Variants in GIP observed in about 807,000 individuals in gnomAD.
GIP encodes the protein gastric inhibitory polypeptide.
A neutral mutation model predicts 18.1 loss-of-function variants in GIP; 16 were observed. The ratio of observed to expected loss-of-function variants is 0.88; its 90% CI spans 0.60 to 1.34. The LOEUF is 1.34. Ranked by LOEUF, GIP falls within the 40% of genes most tolerant of loss-of-function variation. The probability of loss-of-function intolerance (pLI) is 0.00; values close to 1 mark genes in which losing one functional copy is unlikely to be tolerated. For synonymous variants in GIP, 76 were observed against 74.0 expected (o/e 1.03, Z -0.14); for missense variants, 192 against 183.4 (o/e 1.05, Z -0.27).
At position 48,964,559 on chromosome 17, in the gene GIP, A is replaced by T. The variant is rs542170936; in HGVS notation, c.87-79T>A. The T allele has an allele frequency of 1.1e-3, 1,441 of 1,268,374 alleles. 1 individual carries two copies. Among genetic ancestry groups the T allele is most frequent in the Non-Finnish European group, 1.5e-3 (1,339 of 890,192 alleles). The allele number at this position is 1,268,374 out of a possible 1,614,324, so 78.6% of individuals were successfully genotyped here. On this transcript the variant is annotated intron_variant, in intron 2 of 5. Transcript: ENST00000357424. Reference sequence around the variant, plus strand: ...AGGGTAAATGACTGTCACTAACAGGAGGCAGACACTTGAAAACAAACCAGT... The same window carrying T: ...AGGGTAAATGACTGTCACTAACAGGTGGCAGACACTTGAAAACAAACCAGT...
chr17:48,967,932 A>C lies in GIP; in HGVS notation c.-22+585T>G, dbSNP rs147272749. Among the ~76,000 whole-genome samples the C allele has an allele frequency of 9.9e-5, 15 of 151,924 alleles. No homozygotes were observed. The East Asian group carries it at 3.0e-3, about 30-fold the overall frequency. On this transcript the variant is annotated intron_variant, in intron 1 of 5. Transcript: ENST00000357424. ...CCAGGTGTGGTGGTGCGCGCCTGTG[A>C]TCCCAGCTATTCAGGAGGCTGAGGC...
At chr17:48,966,798 C>T (rs1316227751) in intron 2 of GIP, among the ~76,000 whole-genome samples, 3 of 151,650 alleles carry the variant, frequency 2.0e-5, no homozygotes, top group African/African-American at 7.3e-5. Flanking sequence ...AGGGCAAGAT[C>T]CTGTCTCAAA....
chr17:48,965,304 TAAAA>T (rs35687818), intron 2 of GIP, among the ~76,000 whole-genome samples: 28 of 111,126 alleles, frequency 2.5e-4, no homozygotes, highest in Admixed American at 3.6e-4. Flanking sequence ...TTCGTCTCAA[TAAAA>T]AAAAAAAAAA....
At chr17:48,962,133 C>A (rs903089447) in intron 3 of GIP, among the ~76,000 whole-genome samples, 1 of 152,048 alleles carries the variant, frequency 6.6e-6, no homozygotes, top group Non-Finnish European at 1.5e-5. Context: ...GCAGGGGCAC[C>A]ATCTCAGCTC....
intron 5 of GIP, among the ~76,000 whole-genome samples, chr17:48,959,267 C>T (rs2041186350): frequency 1.3e-5 from 2 of 152,162 alleles, no homozygotes; most frequent in South Asian, 4.1e-4. Context: ...TGGCCTCAAG[C>T]AATGCTCCCA....
At chr17:48,960,557 C>A (rs933782105) in intron 5 of GIP, among the ~76,000 whole-genome samples, 1 of 152,072 alleles carries the variant, frequency 6.6e-6, no homozygotes, top group Non-Finnish European at 1.5e-5. Flanking sequence ...AGCATCACCT[C>A]GCCTGGAAGA....
At chr17:48,959,360 C>T (rs1006489460) in intron 5 of GIP, among the ~76,000 whole-genome samples, 4 of 152,244 alleles carry the variant, frequency 2.6e-5, no homozygotes, top group South Asian at 2.1e-4. Flanking sequence ...GATTTTCTTA[C>T]ACCCTCTTCT....
chr17:48,966,382 C>A (rs1035419534), intron 2 of GIP, among the ~76,000 whole-genome samples: 2 of 151,306 alleles, frequency 1.3e-5, no homozygotes, highest in African/African-American at 4.9e-5. Context: ...ATAGTGAAAC[C>A]CCATCTCTAC....
chr17:48,964,829 A>T (rs1478241942), intron 2 of GIP, among the ~76,000 whole-genome samples: 1 of 152,158 alleles, frequency 6.6e-6, no homozygotes, highest in Non-Finnish European at 1.5e-5. Context: ...TCCCGTCTCT[A>T]CTAATAATAC....
At chr17:48,963,012 C>G (rs1363830136) in intron 3 of GIP, among the ~76,000 whole-genome samples, 1 of 151,864 alleles carries the variant, frequency 6.6e-6, no homozygotes, top group Non-Finnish European at 1.5e-5. Context: ...GAGGCTGAGG[C>G]AGGAGAATGA....
chr17:48,962,679 G>T (rs1167584367), intron 3 of GIP, among the ~76,000 whole-genome samples: 1 of 152,070 alleles, frequency 6.6e-6, no homozygotes, highest in Non-Finnish European at 1.5e-5. Context: ...AGCCAATCCT[G>T]TTTTCAAAGT....
chr17:48,961,280 T>C (rs942887497), intron 4 of GIP, among the ~76,000 whole-genome samples: 5 of 152,158 alleles, frequency 3.3e-5, no homozygotes, highest in Non-Finnish European at 7.4e-5. Flanking sequence ...AGAGAGTACT[T>C]TGGGCACATT....
In GIP at chr17:48,964,455, A is replaced by G. The variant is rs2041222475; in HGVS notation, c.112T>C (p.Ser38Pro). ...FSALPSLPVG[S>P]HAKVSSPQPR... ...TGAGGGCTGCTCACCTTAGCATGAG[A>G]TCCAACAGGCAGGGAGGGGAGAGCG... Residue 38 changes from serine (S) to proline (P), a missense_variant, in exon 3 of 6, where the codon TCT becomes CCT. Transcript: ENST00000357424. 1 of 1,613,988 alleles carries G rather than the reference A, an allele frequency of 6.2e-7. No individual in the cohort carries two copies. The highest frequency in any genetic ancestry group is 8.5e-7 in the Non-Finnish European group (1 of 1,179,938).
chr17:48,963,869 A>AGG (rs2041215701), intron 3 of GIP, among the ~76,000 whole-genome samples: 1 of 142,998 alleles, frequency 7.0e-6, no homozygotes, highest in East Asian at 2.1e-4. Context: ...AAAAAGAGAG[A>AGG]GAGAGGCGGG....
chr17:48,967,878 C>A (rs2041243562), intron 1 of GIP, among the ~76,000 whole-genome samples: 1 of 151,520 alleles, frequency 6.6e-6, no homozygotes, highest in African/African-American at 2.4e-5. Flanking sequence ...ATGGTGAAAT[C>A]CTGTCTCTAC....
chr17:48,967,507 G>A (rs1207558470), intron 1 of GIP, among the ~76,000 whole-genome samples: 8 of 151,774 alleles, frequency 5.3e-5, no homozygotes. Flanking sequence ...CTACAGGCAT[G>A]TGCCACCACT....
chr17:48,964,792 G>A (rs1299457164), intron 2 of GIP, among the ~76,000 whole-genome samples: 1 of 152,078 alleles, frequency 6.6e-6, no homozygotes, highest in African/African-American at 2.4e-5. Context: ...GGTCGGGATC[G>A]AGACCAGCCT....
rs2041197585 is a variant in GIP at position 48,960,967 on chromosome 17, C to G, written c.371G>C (p.Ser124Thr). 1 of 1,608,928 alleles carries G rather than the reference C, an allele frequency of 6.2e-7. No homozygotes were observed. The highest frequency in any genetic ancestry group is 1.3e-5 in the African/African-American group (1 of 74,888). The change falls in exon 5 of 6, where the codon AGC becomes ACC. Residue 124 changes from serine (S) to threonine (T), a missense_variant. Ser to Thr is a moderately conservative substitution (Grantham distance 58). Coordinates refer to ENST00000357424, the MANE Select transcript of GIP (RefSeq NM_004123.3). ...EPQSSPAKNP[S>T]DEDLLRDLLI... The stretch of plus-strand genomic sequence containing the variant: ...CAAGTCCCGCAGCAAATCTTCATCG[C>G]TGGGGTTCTTGGCTGGGGAGCTGCA...
chr17:48,962,288 G>C (rs534754081), intron 3 of GIP, among the ~76,000 whole-genome samples: 1 of 151,680 alleles, frequency 6.6e-6, no homozygotes, highest in East Asian at 1.9e-4. Flanking sequence ...GAATGAACTC[G>C]TGAGCTCAAA....
Sources: allele counts gnomAD v4.1 joint callset (sites outside exome capture counted in the v4.1 genomes callset), GRCh38; gene constraint gnomAD v4.1.1; transcripts MANE v1.5; gene names NCBI Gene and HGNC (gene_info 2026-07-23, HGNC 2026-07-21).